Variants in ALK observed in about 807,000 individuals in gnomAD.
The protein encoded by ALK is ALK receptor tyrosine kinase, also known as ALK tyrosine kinase receptor.
ALK carries 74 observed loss-of-function variants against 163.1 expected under a neutral mutation model. The observed-to-expected ratio is 0.45, with a 90% CI of 0.38 to 0.55. The LOEUF (loss-of-function observed/expected upper bound fraction) is 0.55, where lower values mean the gene tolerates loss of function less well. Among genes scored for constraint, ALK ranks in the 20% least tolerant of loss-of-function variants. ALK has a pLI of 0.00. For missense variants in ALK, 2,063 were observed against 2,105.3 expected, an observed-to-expected ratio of 0.98 and a Z score of 0.39; for synonymous variants, 960 against 843.2, an observed-to-expected ratio of 1.14 and a Z score of -2.40.
At chr2:29,247,572 T>C (rs1161258812) in intron 12 of ALK, among the ~76,000 whole-genome samples, 1 of 152,232 alleles carries the variant, frequency 6.6e-6, no homozygotes, top group African/African-American at 2.4e-5. Flanking sequence ...TCTGGGCCTC[T>C]TCCTTTGTGG....
intron 5 of ALK, among the ~76,000 whole-genome samples, chr2:29,341,981 T>C (rs543713309): frequency 8.7e-4 from 133 of 152,280 alleles, no homozygotes; most frequent in Non-Finnish European, 1.4e-3. Context: ...AACTGGATGA[T>C]AGGCAGGCAG....
intron 4 of ALK, among the ~76,000 whole-genome samples, chr2:29,513,327 C>T (rs868388562): frequency 6.8e-4 from 95 of 140,326 alleles, no homozygotes; most frequent in African/African-American, 2.5e-4. Flanking sequence ...CAGAACAGAG[C>T]CCTCAGAAAT....
chr2:29,573,651 A>G (rs1674441975), intron 3 of ALK, among the ~76,000 whole-genome samples: 1 of 152,206 alleles, frequency 6.6e-6, no homozygotes, highest in African/African-American at 2.4e-5. Context: ...CTACTATGGC[A>G]GAGTTTAACA....
At chr2:29,405,683 T>C (rs1219191677) in intron 4 of ALK, among the ~76,000 whole-genome samples, 1 of 151,922 alleles carries the variant, frequency 6.6e-6, no homozygotes, top group East Asian at 1.9e-4. Flanking sequence ...GCCACCACAC[T>C]GGGAGAGGCA....
chr2:29,354,990 T>C (rs897900436), intron 5 of ALK, among the ~76,000 whole-genome samples: 5 of 152,008 alleles, frequency 3.3e-5, no homozygotes, highest in Non-Finnish European at 4.4e-5. Context: ...ATGGTCTCAG[T>C]CTCCTGACCT....
intron 3 of ALK, among the ~76,000 whole-genome samples, chr2:29,668,524 G>C (rs1677586511): frequency 6.6e-6 from 1 of 151,884 alleles, no homozygotes; most frequent in African/African-American, 2.4e-5. Flanking sequence ...GGTTGTTCAG[G>C]AGCATGTTGT....
At chr2:29,415,314 C>T in intron 4 of ALK, among the ~76,000 whole-genome samples, 1 of 152,036 alleles carries the variant, frequency 6.6e-6, no homozygotes, top group Non-Finnish European at 1.5e-5. Flanking sequence ...GAGGAAGACA[C>T]TGATGCTAGA....
intron 4 of ALK, among the ~76,000 whole-genome samples, chr2:29,421,279 T>C (rs1471036400): frequency 6.6e-6 from 1 of 151,562 alleles, no homozygotes; most frequent in Non-Finnish European, 1.5e-5. Context: ...CAAGTGCCAA[T>C]GCTTGACTGT....
intron 3 of ALK, among the ~76,000 whole-genome samples, chr2:29,616,717 A>T (rs1675859006): frequency 6.6e-6 from 1 of 152,192 alleles, no homozygotes; most frequent in African/African-American, 2.4e-5. Context: ...AACCCAGACC[A>T]CTACAACTCT....
At chr2:29,427,423 A>T (rs561246081) in intron 4 of ALK, among the ~76,000 whole-genome samples, 10 of 152,260 alleles carry the variant, frequency 6.6e-5, no homozygotes, top group African/African-American at 2.4e-4. Flanking sequence ...GGAGGGGAAT[A>T]GAGCTATATG....
intron 1 of ALK, among the ~76,000 whole-genome samples, chr2:29,731,088 GAA>G (rs938448877): frequency 3.3e-5 from 5 of 152,186 alleles, no homozygotes; most frequent in African/African-American, 1.2e-4. Flanking sequence ...GAGCGCCTCA[GAA>G]AGTTTCCTTA....
intron 4 of ALK, among the ~76,000 whole-genome samples, chr2:29,499,193 T>G (rs1459496282): frequency 6.6e-6 from 1 of 152,108 alleles, no homozygotes. Flanking sequence ...TTGAGGGTCC[T>G]TCTCCAGGGT....
At chr2:29,574,312 C>T (rs561154267) in intron 3 of ALK, among the ~76,000 whole-genome samples, 28 of 152,322 alleles carry the variant, frequency 1.8e-4, no homozygotes, top group East Asian at 3.9e-4. Flanking sequence ...CCTTCCAGGA[C>T]GGCGAGGGAG....
chr2:29,386,714 T>G (rs964505332), intron 4 of ALK, among the ~76,000 whole-genome samples: 2 of 152,254 alleles, frequency 1.3e-5, no homozygotes, highest in Non-Finnish European at 2.9e-5. Flanking sequence ...GCAATAACTT[T>G]TGTCTGAAAT....
chr2:29,771,907 G>C (rs2148344826), intron 1 of ALK, among the ~76,000 whole-genome samples: 1 of 152,236 alleles, frequency 6.6e-6, no homozygotes, highest in Middle Eastern at 3.4e-3. Context: ...AGATAAGCAG[G>C]GCCTCAAATG....
intron 2 of ALK, among the ~76,000 whole-genome samples, chr2:29,705,829 C>T (rs969851266): frequency 1.5e-4 from 23 of 152,284 alleles, no homozygotes; most frequent in Admixed American, 4.6e-4. Context: ...TAATGATGCG[C>T]GTCATTGCTG....
intron 1 of ALK, among the ~76,000 whole-genome samples, chr2:29,752,712 C>T (rs1680406477): frequency 6.6e-6 from 1 of 152,152 alleles, no homozygotes; most frequent in African/African-American, 2.4e-5. Flanking sequence ...GCTCGAGGAG[C>T]TTCTATACCC....
rs530181990 is a variant in ALK at position 29,420,786 on chromosome 2, G to A, written c.1155-36927C>T. On this transcript the variant is annotated intron_variant, in intron 4 of 28. Coordinates refer to ENST00000389048, the MANE Select transcript of ALK (RefSeq NM_004304.5). ...GCAGTCCCAGCACCCTTCATGGAAT[G>A]TCTTGCTTTGCAAAAAGAAACAGAT... 3.3e-5 allele frequency among the ~76,000 whole-genome samples: 5 copies of A among 151,652 alleles called. No individual in the cohort carries two copies. The South Asian group carries it at 8.3e-4, about 25-fold the overall frequency.
chr2:29,425,313 C>T (rs998555299), intron 4 of ALK, among the ~76,000 whole-genome samples: 6 of 152,256 alleles, frequency 3.9e-5, no homozygotes, highest in Admixed American at 6.5e-5. Flanking sequence ...GGCTTTCCCC[C>T]GGCCCCTAAT....
Sources: gnomAD v4.1 joint callset for allele counts (sites outside exome capture counted in the v4.1 genomes callset) on GRCh38, gnomAD v4.1.1 for gene constraint, MANE v1.5 for transcripts, NCBI Gene and HGNC (gene_info 2026-07-23, HGNC 2026-07-21) for gene names.